Variants in PCDH9 observed in about 807,000 individuals in gnomAD.
The protein encoded by PCDH9 is protocadherin 9, also known as protocadherin-9.
In PCDH9, 24 loss-of-function variants were observed where a neutral mutation model predicts 70.6. That is an observed-to-expected ratio of 0.34 (90% CI 0.25 to 0.48). The LOEUF (loss-of-function observed/expected upper bound fraction) is 0.48, where lower values mean the gene tolerates loss of function less well. Among genes scored for constraint, PCDH9 ranks in the 20% least tolerant of loss-of-function variants. PCDH9 has a pLI of 0.99. For synonymous variants in PCDH9, 562 were observed against 558.5 expected, an observed-to-expected ratio of 1.01 and a Z score of -0.09; for missense variants, 1,281 against 1,503.6, an observed-to-expected ratio of 0.85 and a Z score of 2.45.
intron 2 of PCDH9, among the ~76,000 whole-genome samples, chr13:67,048,088 A>G (rs1339110758): frequency 6.6e-6 from 1 of 152,148 alleles, no homozygotes; most frequent in African/African-American, 2.4e-5. Context: ...TCGACCTCAA[A>G]AACCTAGGAC....
chr13:66,753,894 C>T, intron 3 of PCDH9, among the ~76,000 whole-genome samples: 1 of 152,074 alleles, frequency 6.6e-6, no homozygotes, highest in African/African-American at 2.4e-5. Context: ...ATTGTGAACA[C>T]AAAATTTGTT....
At chr13:67,089,133 T>C (rs1289258822) in intron 2 of PCDH9, among the ~76,000 whole-genome samples, 1 of 152,026 alleles carries the variant, frequency 6.6e-6, no homozygotes, top group East Asian at 1.9e-4. Flanking sequence ...CCTGCATCAC[T>C]TTCTAAATCC....
At position 66,713,491 on chromosome 13, in the gene PCDH9, C is replaced by T. The variant is rs541196697; in HGVS notation, c.3139-82080G>A. ...TCTCCCAACAAAAGAGATGATTACCCCTCATTATAAACCACATGTAAATTT... is the reference window on the plus strand; with the variant it reads ...TCTCCCAACAAAAGAGATGATTACCTCTCATTATAAACCACATGTAAATTT... On this transcript the variant is annotated intron_variant, in intron 3 of 4. Coordinates refer to ENST00000377865, the MANE Select transcript of PCDH9 (RefSeq NM_203487.3). Among the ~76,000 whole-genome samples the T allele has an allele frequency of 5.3e-5, 8 of 150,734 alleles. No individual in the cohort carries two copies. In the East Asian group the frequency reaches 7.8e-4, roughly 15 times the overall value.
At chr13:67,034,984 G>T (rs1048891861) in intron 2 of PCDH9, among the ~76,000 whole-genome samples, 20 of 151,948 alleles carry the variant, frequency 1.3e-4, no homozygotes, top group African/African-American at 4.8e-4. Flanking sequence ...TATGGCAGTT[G>T]TTCAGAAATA....
intron 3 of PCDH9, among the ~76,000 whole-genome samples, chr13:66,833,074 A>G (rs1180194398): frequency 6.6e-6 from 1 of 152,030 alleles, no homozygotes; most frequent in African/African-American, 2.4e-5. Context: ...TTTAAATCGT[A>G]TACTCTACCA....
chr13:66,885,715 T>C (rs2081993778), intron 3 of PCDH9, among the ~76,000 whole-genome samples: 1 of 152,124 alleles, frequency 6.6e-6, no homozygotes, highest in African/African-American at 2.4e-5. Flanking sequence ...AAAACTTAAT[T>C]TCTCCTCTAT....
intron 4 of PCDH9, among the ~76,000 whole-genome samples, chr13:66,586,404 C>T (rs1289357836): frequency 6.6e-6 from 1 of 152,100 alleles, no homozygotes; most frequent in Non-Finnish European, 1.5e-5. Context: ...AATGATGTGA[C>T]ATTATATGCA....
chr13:66,947,495 T>C (rs932039560), intron 2 of PCDH9, among the ~76,000 whole-genome samples: 3 of 152,204 alleles, frequency 2.0e-5, no homozygotes, highest in Admixed American at 6.6e-5. Flanking sequence ...AAAACTATTG[T>C]CTGGAAAAAT....
chr13:66,864,869 A>G (rs2081544566), intron 3 of PCDH9, among the ~76,000 whole-genome samples: 1 of 152,256 alleles, frequency 6.6e-6, no homozygotes, highest in Non-Finnish European at 1.5e-5. Context: ...GCAAAAATGA[A>G]CAGGTGTTGA....
intron 2 of PCDH9, among the ~76,000 whole-genome samples, chr13:67,121,526 T>G (rs2086877545): frequency 6.6e-6 from 1 of 152,210 alleles, no homozygotes; most frequent in Admixed American, 6.5e-5. Context: ...ACAGTGTTTG[T>G]CCTTGCCCTT....
intron 3 of PCDH9, among the ~76,000 whole-genome samples, chr13:66,830,417 A>G (rs1391785308): frequency 6.6e-6 from 1 of 152,192 alleles, no homozygotes; most frequent in Admixed American, 6.5e-5. Flanking sequence ...ATAAATAAAC[A>G]ACATCTCAGA....
At chr13:66,677,539 T>C (rs1427944748) in intron 3 of PCDH9, among the ~76,000 whole-genome samples, 1 of 152,086 alleles carries the variant, frequency 6.6e-6, no homozygotes, top group Admixed American at 6.6e-5. Flanking sequence ...GGATCCCTCA[T>C]GGCTTGGTGT....
intron 4 of PCDH9, among the ~76,000 whole-genome samples, chr13:66,617,771 A>T (rs1275782670): frequency 2.0e-5 from 3 of 151,972 alleles, no homozygotes; most frequent in African/African-American, 7.3e-5. Context: ...AGGCCATCAA[A>T]CTCCAAACAG....
chr13:66,947,313 C>T (rs1216675652), intron 2 of PCDH9, among the ~76,000 whole-genome samples: 1 of 152,122 alleles, frequency 6.6e-6, no homozygotes, highest in Non-Finnish European at 1.5e-5. Flanking sequence ...TATTACCCCT[C>T]TTTTACAGTT....
chr13:66,766,464 A>C (rs1265800343), intron 3 of PCDH9, among the ~76,000 whole-genome samples: 4 of 152,092 alleles, frequency 2.6e-5, no homozygotes, highest in African/African-American at 9.7e-5. Context: ...AGACCTATCA[A>C]AACACTATCC....
intron 3 of PCDH9, among the ~76,000 whole-genome samples, chr13:66,751,940 G>T (rs1030028432): frequency 1.3e-5 from 2 of 152,046 alleles, no homozygotes; most frequent in African/African-American, 4.8e-5. Flanking sequence ...ACATGTAAAT[G>T]AATAAACAAA....
At chr13:66,444,228 T>C (rs1958028515) in intron 4 of PCDH9, among the ~76,000 whole-genome samples, 1 of 152,164 alleles carries the variant, frequency 6.6e-6, no homozygotes, top group South Asian at 2.1e-4. Flanking sequence ...CTACCCAACA[T>C]ATACTGAGAG....
At chr13:66,494,821 A>G (rs1292714113) in intron 4 of PCDH9, among the ~76,000 whole-genome samples, 2 of 152,198 alleles carry the variant, frequency 1.3e-5, no homozygotes, top group Non-Finnish European at 2.9e-5. Flanking sequence ...GAGATTTATT[A>G]AATGTTTCAA....
Position 66,631,241 on chromosome 13 carries a change from A to T in PCDH9, c.3309T>A (p.Thr1103=). ...TGGGATCAGAGTTGCCATCTGCTTC[A>T]GTCCTCTTGTCCGGAGAGGCCTGGT... ...FYDQASPDKR[T]EADGNSDPNS... The change falls in exon 4 of 5, where the codon ACT becomes ACA. Residue 1103 remains threonine, a synonymous_variant. Coordinates refer to ENST00000377865, the MANE Select transcript of PCDH9 (RefSeq NM_203487.3). The T allele has an allele frequency of 6.2e-7, 1 of 1,607,782 alleles. No individual in the cohort carries two copies. Among genetic ancestry groups the T allele is most frequent in the Non-Finnish European group, 8.5e-7 (1 of 1,174,162 alleles).
Sources: gnomAD v4.1 joint callset for allele counts (sites outside exome capture counted in the v4.1 genomes callset) on GRCh38, gnomAD v4.1.1 for gene constraint, MANE v1.5 for transcripts, NCBI Gene and HGNC (gene_info 2026-07-23, HGNC 2026-07-21) for gene names.